The following TMT1B variants were observed in gnomAD, a reference collection of about 807,000 sequenced individuals.
TMT1B encodes the protein thiol S-methyltransferase TMT1B.
chr12:55,683,865 C>T, the TMT1B span: 1 of 1,613,952 alleles, frequency 6.2e-7, no homozygotes, highest in Non-Finnish European at 8.5e-7. Context: ...GGAAGCTGGG[C>T]CTTCATGTGG....
the TMT1B span, chr12:55,682,276 G>C: frequency 6.3e-7 from 1 of 1,595,882 alleles, no homozygotes; most frequent in Non-Finnish European, 8.6e-7. Flanking sequence ...GAAGGGGATG[G>C]GTGTGGGGCA....
chr12:55,681,945 G>A, the TMT1B span: 1 of 1,614,192 alleles, frequency 6.2e-7, no homozygotes, highest in Non-Finnish European at 8.5e-7. Context: ...CAGATAAAGG[G>A]GCTTACAGGA....
At chr12:55,683,897 T>C in the TMT1B span, 5 of 1,614,006 alleles carry the variant, frequency 3.1e-6, no homozygotes, top group Non-Finnish European at 4.2e-6. Flanking sequence ...CGAGCCCACC[T>C]GGAAACACAT....
the TMT1B span, chr12:55,683,870 A>G: frequency 1.6e-5 from 26 of 1,613,990 alleles, no homozygotes; most frequent in Middle Eastern, 3.3e-4. Context: ...CTGGGCCTTC[A>G]TGTGGCAGCA....
At chr12:55,683,798 T>G in the TMT1B span, 3 of 1,613,004 alleles carry the variant, frequency 1.9e-6, no homozygotes, top group South Asian at 1.1e-5. Context: ...ACACTAACTC[T>G]CTCATCCCTC....
At chr12:55,683,948 C>T in the TMT1B span, 2 of 1,614,114 alleles carry the variant, frequency 1.2e-6, no homozygotes, top group Non-Finnish European at 1.7e-6. Flanking sequence ...CTGGAAGGAT[C>T]TTGAGAACGC....
At chr12:55,681,961 C>A in the TMT1B span, 1 of 1,614,180 alleles carries the variant, frequency 6.2e-7, no homozygotes. Context: ...CAGGAGCCTC[C>A]GGGAAAGTGG....
the TMT1B span, chr12:55,684,177 C>T: frequency 4.8e-6 from 4 of 840,756 alleles, no homozygotes; most frequent in Non-Finnish European, 5.7e-6. Context: ...TCATGTACCA[C>T]CTACTAGTCC....
chr12:55,682,853 C>T, the TMT1B span, among the ~76,000 whole-genome samples: 3 of 150,592 alleles, frequency 2.0e-5, no homozygotes, highest in African/African-American at 4.9e-5. Context: ...AGAGTGTGGA[C>T]GGGGTGGGGA....
the TMT1B span, chr12:55,682,280 T>G: frequency 9.5e-6 from 15 of 1,579,632 alleles, no homozygotes; most frequent in Admixed American, 3.6e-5. Flanking sequence ...GGGATGGGTG[T>G]GGGGCAGGCA....
At chr12:55,681,981 A>C in the TMT1B span, 11 of 1,614,108 alleles carry the variant, frequency 6.8e-6, no homozygotes, top group Admixed American at 1.7e-5. Context: ...GCCCTACTGG[A>C]GCTGGGCTGC....
At chr12:55,684,395 C>G in the TMT1B span, 1 of 293,404 alleles carries the variant, frequency 3.4e-6, no homozygotes, top group Non-Finnish European at 6.6e-6. Flanking sequence ...TCGCTTTCCT[C>G]CTGAGGCTAC....
chr12:55,683,777 G>A, the TMT1B span: 33 of 1,599,840 alleles, frequency 2.1e-5, no homozygotes, highest in Admixed American at 3.2e-4. Context: ...GGGTCAGAAT[G>A]GAGCCAAGTG....
At chr12:55,682,382 G>A in the TMT1B span, 2 of 870,066 alleles carry the variant, frequency 2.3e-6, no homozygotes, top group African/African-American at 1.7e-5. Flanking sequence ...ACCTCTACCT[G>A]CTGGTGAATA....
chr12:55,684,263 G>A, the TMT1B span: 19 of 542,718 alleles, frequency 3.5e-5, no homozygotes, highest in East Asian at 3.2e-4. Flanking sequence ...CTACTTCTAC[G>A]CTGACCCAGG....
the TMT1B span, chr12:55,684,239 A>G: frequency 6.8e-6 from 4 of 588,672 alleles, no homozygotes; most frequent in Admixed American, 9.1e-5. Flanking sequence ...CCCGCCTTCG[A>G]CAGTGAAAAA....
At chr12:55,682,150 G>T in the TMT1B span, 1 of 1,614,058 alleles carries the variant, frequency 6.2e-7, no homozygotes, top group African/African-American at 1.3e-5. Flanking sequence ...ACATGAGACA[G>T]CTGGCTGATG....
chr12:55,684,157 G>C, the TMT1B span: 4 of 1,040,516 alleles, frequency 3.8e-6, no homozygotes, highest in Non-Finnish European at 4.3e-6. Flanking sequence ...AGCAGAATGA[G>C]AGAAGACATT....
chr12:55,682,048 C>T, the TMT1B span: 3 of 1,614,242 alleles, frequency 1.9e-6, 1 homozygote, highest in Non-Finnish European at 2.5e-6. Context: ...CCTGCCTAGA[C>T]CCAAATCCCC....
Sources: gnomAD v4.1 joint callset for allele counts (sites outside exome capture counted in the v4.1 genomes callset) on GRCh38, gnomAD v4.1.1 for gene constraint, MANE v1.5 for transcripts, NCBI Gene and HGNC (gene_info 2026-07-23, HGNC 2026-07-21) for gene names.